Variants in CDC42SE2 observed in about 807,000 individuals in gnomAD.
The protein encoded by CDC42SE2 is CDC42 small effector 2.
CDC42SE2 carries 3 observed loss-of-function variants against 11.5 expected under a neutral mutation model. That is an observed-to-expected ratio of 0.26 (90% CI 0.12 to 0.67). The LOEUF is 0.67. Among genes scored for constraint, CDC42SE2 ranks in the 30% least tolerant of loss-of-function variants. CDC42SE2 has a pLI of 0.80. For missense variants in CDC42SE2, 82 were observed against 106.8 expected (o/e 0.77, Z 1.02); for synonymous variants, 33 against 34.8 (o/e 0.95, Z 0.18).
intron 1 of CDC42SE2, among the ~76,000 whole-genome samples, chr5:131,289,550 G>A (rs1757408488): frequency 6.6e-6 from 1 of 152,074 alleles, no homozygotes; most frequent in Non-Finnish European, 1.5e-5. Flanking sequence ...GCACGCGCCT[G>A]TAGTCCCAGC....
At chr5:131,338,967 G>T (rs1180440451) in intron 2 of CDC42SE2, among the ~76,000 whole-genome samples, 1 of 152,102 alleles carries the variant, frequency 6.6e-6, no homozygotes, top group Non-Finnish European at 1.5e-5. Context: ...GCTTGTTCAG[G>T]CCGGGCGTGG....
At chr5:131,326,144 C>T (rs576833996) in intron 2 of CDC42SE2, among the ~76,000 whole-genome samples, 1 of 151,188 alleles carries the variant, frequency 6.6e-6, no homozygotes, top group Non-Finnish European at 1.5e-5. Context: ...TCGCTCTGTC[C>T]CCCAGGCTGG....
At chr5:131,358,993 C>T (rs1226164605) in intron 2 of CDC42SE2, among the ~76,000 whole-genome samples, 2 of 152,150 alleles carry the variant, frequency 1.3e-5, no homozygotes, top group Admixed American at 1.3e-4. Flanking sequence ...GGATGCCCCA[C>T]GAAGGCAAAG....
At position 131,321,912 on chromosome 5, in the gene CDC42SE2, G is replaced by A. The variant is rs150250075; in HGVS notation, c.-286+5768G>A. On this transcript the variant is annotated intron_variant, in intron 2 of 4. Transcript: ENST00000505065. ...GTCGCCCAGGCTGGAGTGCGGTGACGCGATGTCGGCTCACTGCAAGCTCCG... is the reference window on the plus strand; with the variant it reads ...GTCGCCCAGGCTGGAGTGCGGTGACACGATGTCGGCTCACTGCAAGCTCCG... Among the ~76,000 whole-genome samples, 853 of 152,232 alleles carry A rather than the reference G, an allele frequency of 5.6e-3. 8 individuals are homozygous for A. Among genetic ancestry groups the A allele is most frequent in the African/African-American group, 0.02 (818 of 41,548 alleles).
intron 3 of CDC42SE2, among the ~76,000 whole-genome samples, chr5:131,381,943 G>A (rs980548597): frequency 8.6e-5 from 13 of 152,006 alleles, no homozygotes; most frequent in Non-Finnish European, 1.3e-4. Context: ...TACTATGCTC[G>A]CACAACACAG....
chr5:131,317,610 T>C (rs911300508), intron 2 of CDC42SE2, among the ~76,000 whole-genome samples: 15 of 151,982 alleles, frequency 9.9e-5, no homozygotes, highest in Admixed American at 9.9e-4. Context: ...TTTAAAGCTC[T>C]GTGAAACAAA....
intron 1 of CDC42SE2, among the ~76,000 whole-genome samples, chr5:131,313,174 G>A (rs1757967280): frequency 1.3e-5 from 2 of 151,938 alleles, no homozygotes; most frequent in African/African-American, 4.8e-5. Context: ...AGTGGAGGCG[G>A]GGTTTTGCCA....
At chr5:131,295,348 TGATAAA>T (rs1313742542) in intron 1 of CDC42SE2, among the ~76,000 whole-genome samples, 1 of 151,886 alleles carries the variant, frequency 6.6e-6, no homozygotes, top group Admixed American at 6.6e-5. Context: ...AGCATCATCG[TGATAAA>T]GATAAGTATT....
chr5:131,343,686 C>T (rs1758765941), intron 2 of CDC42SE2, among the ~76,000 whole-genome samples: 1 of 147,664 alleles, frequency 6.8e-6, no homozygotes, highest in African/African-American at 2.6e-5. Flanking sequence ...GCATTCCAGC[C>T]TGGGCAACAA....
At chr5:131,365,562 A>G (rs560223630) in intron 3 of CDC42SE2, among the ~76,000 whole-genome samples, 17 of 152,278 alleles carry the variant, frequency 1.1e-4, no homozygotes, top group African/African-American at 1.7e-4. Flanking sequence ...AAAAGTGTCA[A>G]TTTTTTTCCT....
At chr5:131,312,940 C>T (rs1757960073) in intron 1 of CDC42SE2, among the ~76,000 whole-genome samples, 1 of 152,126 alleles carries the variant, frequency 6.6e-6, no homozygotes, top group Admixed American at 6.6e-5. Context: ...GGGAGCTGTT[C>T]CTATTCGGCC....
the CDC42SE2 span, among the ~76,000 whole-genome samples, chr5:131,216,558 AG>A: frequency 5.3e-4 from 81 of 151,786 alleles, no homozygotes; most frequent in African/African-American, 2.0e-3. Flanking sequence ...AACTGTCATA[AG>A]GGTTTGTGAA....
intron 2 of CDC42SE2, among the ~76,000 whole-genome samples, chr5:131,323,602 AG>A (rs1173526000): frequency 2.1e-5 from 3 of 140,614 alleles, no homozygotes; most frequent in Non-Finnish European, 4.5e-5. Context: ...CCTAGGGAAC[AG>A]ACTAGGATAT....
chr5:131,312,255 C>T (rs1026281033), intron 1 of CDC42SE2, among the ~76,000 whole-genome samples: 25 of 151,906 alleles, frequency 1.6e-4, no homozygotes, highest in African/African-American at 3.4e-4. Context: ...TTAGGCTTCT[C>T]GGGGGTTAGG....
chr5:131,288,200 G>A (rs1757380824), intron 1 of CDC42SE2, among the ~76,000 whole-genome samples: 1 of 151,798 alleles, frequency 6.6e-6, no homozygotes, highest in Non-Finnish European at 1.5e-5. Context: ...CTCCAGCCTG[G>A]GTGACAGAGG....
intron 2 of CDC42SE2, among the ~76,000 whole-genome samples, chr5:131,350,469 T>A (rs2149762348): frequency 6.6e-6 from 1 of 152,170 alleles, no homozygotes. Context: ...TGATTCATAA[T>A]CCTGAGATAA....
At chr5:131,380,489 T>G (rs374304428) in intron 3 of CDC42SE2, among the ~76,000 whole-genome samples, 4 of 152,226 alleles carry the variant, frequency 2.6e-5, no homozygotes, top group South Asian at 2.1e-4. Context: ...TGTGCCATTC[T>G]TTAAATGTCC....
Position 131,374,705 on chromosome 5 carries a change from T to G in CDC42SE2, c.55-10838T>G, listed in dbSNP as rs190532565. Among the ~76,000 whole-genome samples, 450 of 152,172 alleles carry G rather than the reference T, an allele frequency of 3.0e-3. 2 individuals carry two copies. Among genetic ancestry groups the G allele is most frequent in the African/African-American group, 0.01 (420 of 41,502 alleles). ...AAACACTCTTCACATAGAGTTAATATAAACACTTGATTTTTGTATTTCAAT... is the reference window on the plus strand; with the variant it reads ...AAACACTCTTCACATAGAGTTAATAGAAACACTTGATTTTTGTATTTCAAT... On this transcript the variant is annotated intron_variant, in intron 3 of 4. Coordinates refer to ENST00000505065, the MANE Select transcript of CDC42SE2 (RefSeq NM_001375635.1).
chr5:131,329,709 T>C (rs1758375051), intron 2 of CDC42SE2, among the ~76,000 whole-genome samples: 1 of 151,226 alleles, frequency 6.6e-6, no homozygotes, highest in African/African-American at 2.4e-5. Context: ...TGAAACCCCA[T>C]CTCTACTAAA....
Sources: allele counts gnomAD v4.1 joint callset (sites outside exome capture counted in the v4.1 genomes callset), GRCh38; gene constraint gnomAD v4.1.1; transcripts MANE v1.5; gene names NCBI Gene and HGNC (gene_info 2026-07-23, HGNC 2026-07-21).